TAFA1: variants seen among roughly 807,000 people sequenced by gnomAD.
TAFA1 encodes the protein chemokine-like protein TAFA-1.
In TAFA1, 4 loss-of-function variants were observed where a neutral mutation model predicts 18.5. The observed-to-expected ratio is 0.22, with a 90% CI of 0.11 to 0.49. TAFA1 has a LOEUF of 0.49. TAFA1 is among the 20% of genes least tolerant of loss of function. The probability of loss-of-function intolerance (pLI) is 0.98; values close to 1 mark genes in which losing one functional copy is unlikely to be tolerated. For missense variants in TAFA1, 147 were observed against 169.0 expected, an observed-to-expected ratio of 0.87 and a Z score of 0.72; for synonymous variants, 56 against 55.2, an observed-to-expected ratio of 1.01 and a Z score of -0.06.
chr3:68,270,974 CTT>C (rs932677442), intron 2 of TAFA1, among the ~76,000 whole-genome samples: 1 of 152,100 alleles, frequency 6.6e-6, no homozygotes. Flanking sequence ...AATCAAGACT[CTT>C]TGTGGAAAAT....
intron 2 of TAFA1, among the ~76,000 whole-genome samples, chr3:68,166,501 C>T (rs1575655962): frequency 1.3e-5 from 2 of 152,262 alleles, no homozygotes; most frequent in African/African-American, 4.8e-5. Context: ...TTTGACACCC[C>T]TAGAAAGGTA....
intron 3 of TAFA1, among the ~76,000 whole-genome samples, chr3:68,522,252 C>T (rs2073039154): frequency 6.6e-6 from 1 of 152,098 alleles, no homozygotes; most frequent in Non-Finnish European, 1.5e-5. Flanking sequence ...GTCTTTCTGT[C>T]TAACTTGGTG....
At chr3:68,250,553 C>T (rs1421538827) in intron 2 of TAFA1, among the ~76,000 whole-genome samples, 1 of 152,108 alleles carries the variant, frequency 6.6e-6, no homozygotes, top group Admixed American at 6.5e-5. Flanking sequence ...ACACACAATA[C>T]TCCCTATTCT....
intron 2 of TAFA1, among the ~76,000 whole-genome samples, chr3:68,405,108 C>G (rs1254805097): frequency 3.9e-5 from 6 of 152,064 alleles, no homozygotes; most frequent in African/African-American, 1.4e-4. Context: ...ATTGCAGTGT[C>G]TGCTTTTTTG....
chr3:68,504,827 G>C (rs2072719760), intron 3 of TAFA1, among the ~76,000 whole-genome samples: 1 of 152,102 alleles, frequency 6.6e-6, no homozygotes, highest in African/African-American at 2.4e-5. Flanking sequence ...CTGTGCTATG[G>C]TACACAGATG....
At chr3:68,440,242 G>A (rs573643676) in intron 3 of TAFA1, among the ~76,000 whole-genome samples, 1 of 152,264 alleles carries the variant, frequency 6.6e-6, no homozygotes, top group Non-Finnish European at 1.5e-5. Context: ...CTGTCACCAT[G>A]TGAAACATGC....
intron 2 of TAFA1, among the ~76,000 whole-genome samples, chr3:68,246,434 C>CA (rs2067078605): frequency 1.3e-5 from 2 of 150,946 alleles, no homozygotes; most frequent in Admixed American, 1.3e-4. Context: ...ACTAAAAATA[C>CA]AAAAAATTAG....
At chr3:68,063,675 A>T (rs1221087483) in intron 2 of TAFA1, among the ~76,000 whole-genome samples, 5 of 152,224 alleles carry the variant, frequency 3.3e-5, no homozygotes, top group Admixed American at 6.5e-5. Flanking sequence ...AATTACAGTC[A>T]TTATTCAGAC....
intron 2 of TAFA1, among the ~76,000 whole-genome samples, chr3:68,356,590 A>G (rs75753479): frequency 4.9e-4 from 75 of 151,988 alleles, no homozygotes; most frequent in African/African-American, 1.7e-3. Flanking sequence ...TACATGCAGT[A>G]TCTGATTTAA....
chr3:68,106,330 G>A (rs756576856), intron 2 of TAFA1, among the ~76,000 whole-genome samples: 2 of 152,070 alleles, frequency 1.3e-5, no homozygotes, highest in African/African-American at 2.4e-5. Context: ...AGTGATCAGC[G>A]GCTGTTCTGT....
intron 2 of TAFA1, among the ~76,000 whole-genome samples, chr3:68,395,782 A>C (rs1202299722): frequency 6.6e-6 from 1 of 152,098 alleles, no homozygotes; most frequent in Non-Finnish European, 1.5e-5. Context: ...CAGGGAGGGG[A>C]ATATCACACA....
intron 2 of TAFA1, among the ~76,000 whole-genome samples, chr3:68,367,114 C>T (rs1197622749): frequency 6.6e-6 from 1 of 152,162 alleles, no homozygotes; most frequent in Non-Finnish European, 1.5e-5. Flanking sequence ...TAGTAGATTA[C>T]CTCATGCAAA....
intron 3 of TAFA1, among the ~76,000 whole-genome samples, chr3:68,498,722 C>CTTGTTTTTTTT (rs2072598655): frequency 2.1e-5 from 2 of 97,028 alleles, no homozygotes; most frequent in East Asian, 3.0e-4. Context: ...CGTTTGGTGG[C>CTTGTTTTTTTT]TTTTTTTTTT....
chr3:68,248,434 T>C (rs2067127376), intron 2 of TAFA1, among the ~76,000 whole-genome samples: 1 of 151,976 alleles, frequency 6.6e-6, no homozygotes, highest in South Asian at 2.1e-4. Context: ...AATAAAATTA[T>C]TGAGAAAAGA....
chr3:68,377,338 A>G (rs1343801380), intron 2 of TAFA1, among the ~76,000 whole-genome samples: 1 of 152,194 alleles, frequency 6.6e-6, no homozygotes, highest in Non-Finnish European at 1.5e-5. Context: ...GTGGACAATG[A>G]AATCCAGACT....
At chr3:68,411,394 G>A (rs1207148339) in intron 2 of TAFA1, among the ~76,000 whole-genome samples, 1 of 152,144 alleles carries the variant, frequency 6.6e-6, no homozygotes, top group Non-Finnish European at 1.5e-5. Context: ...AAAATCCATG[G>A]CAGATTTGTT....
chr3:67,992,753 C>G, the TAFA1 span, among the ~76,000 whole-genome samples: 1 of 152,208 alleles, frequency 6.6e-6, no homozygotes, highest in Non-Finnish European at 1.5e-5. Context: ...CTCCCTCCTT[C>G]TCTCTCTCCA....
rs1402195946 is a variant in TAFA1, at chr3:68,022,983, T to TC, written c.118+16239_118+16240insC. 6.4e-3 allele frequency among the ~76,000 whole-genome samples: 946 copies of TC among 148,700 alleles called. 8 individuals are homozygous for TC. Among genetic ancestry groups the TC allele is most frequent in the African/African-American group, 0.022 (874 of 40,502 alleles). ...TTACTCTTGTTTTTTTTTTTTTTTT[T>TC]ACTTTGTACCAGTGAAGGAAATCAG... On this transcript the variant is annotated intron_variant, in intron 2 of 4. Transcript: ENST00000478136.
intron 2 of TAFA1, among the ~76,000 whole-genome samples, chr3:68,119,876 T>C (rs143842375): frequency 3.3e-5 from 5 of 152,332 alleles, no homozygotes; most frequent in African/African-American, 4.8e-5. Context: ...CATACCCTAG[T>C]GTCTTGCAAC....
Sources: allele counts gnomAD v4.1 joint callset (sites outside exome capture counted in the v4.1 genomes callset), GRCh38; gene constraint gnomAD v4.1.1; transcripts MANE v1.5; gene names NCBI Gene and HGNC (gene_info 2026-07-23, HGNC 2026-07-21).